Variants in MARCHF3 observed in about 807,000 individuals in gnomAD.
MARCHF3 encodes the protein E3 ubiquitin-protein ligase MARCHF3.
A neutral mutation model predicts 24.2 loss-of-function variants in MARCHF3; 13 were observed. The ratio of observed to expected loss-of-function variants is 0.54; its 90% CI spans 0.35 to 0.85. MARCHF3 has a LOEUF of 0.85. Among genes scored for constraint, MARCHF3 ranks in the 40% least tolerant of loss-of-function variants. MARCHF3 has a pLI of 0.01. For synonymous variants in MARCHF3, 144 were observed against 137.3 expected, an observed-to-expected ratio of 1.05 and a Z score of -0.34; for missense variants, 276 against 325.0, an observed-to-expected ratio of 0.85 and a Z score of 1.16.
chr5:126,906,242 A>G (rs547962128), intron 3 of MARCHF3, among the ~76,000 whole-genome samples: 495 of 151,846 alleles, frequency 3.3e-3, no homozygotes, highest in Non-Finnish European at 4.4e-3. Context: ...GGATTTTTGC[A>G]TCAATGTTCA....
chr5:126,967,367 C>T (rs1750854329), intron 1 of MARCHF3, among the ~76,000 whole-genome samples: 1 of 152,080 alleles, frequency 6.6e-6, no homozygotes, highest in African/African-American at 2.4e-5. Flanking sequence ...GTGTAATGAA[C>T]CACTACATAT....
At chr5:126,874,455 A>G (rs1455157156) in intron 4 of MARCHF3, among the ~76,000 whole-genome samples, 11 of 152,070 alleles carry the variant, frequency 7.2e-5, no homozygotes, top group East Asian at 3.9e-4. Context: ...GCGTGGTGGC[A>G]CATGCCTGTA....
chr5:126,931,422 C>G (rs1353694338), intron 1 of MARCHF3, among the ~76,000 whole-genome samples: 1 of 152,130 alleles, frequency 6.6e-6, no homozygotes, highest in Non-Finnish European at 1.5e-5. Flanking sequence ...CGAATACAAG[C>G]AATTTGGTTC....
At chr5:126,970,529 A>G (rs1750972784) in intron 1 of MARCHF3, among the ~76,000 whole-genome samples, 1 of 148,548 alleles carries the variant, frequency 6.7e-6, no homozygotes, top group Non-Finnish European at 1.5e-5. Context: ...GACATCAGCT[A>G]TGGGTTAGGA....
Position 126,909,522 on chromosome 5 carries a change from G to T in MARCHF3, c.393+5408C>A, listed in dbSNP as rs967291326. ...GCCACGCACAGGATATAATCTCCTG[G>T]TGCGCTGTTTTTTAAGCCCATCGGA... On this transcript the variant is annotated intron_variant, in intron 3 of 4. Transcript: ENST00000308660. Among the ~76,000 whole-genome samples, 10 of 152,362 alleles carry T rather than the reference G, an allele frequency of 6.6e-5. No individual in the cohort carries two copies. In the South Asian group the frequency reaches 2.1e-3, roughly 32 times the overall value.
intron 1 of MARCHF3, among the ~76,000 whole-genome samples, chr5:126,985,131 G>T (rs961245670): frequency 1.3e-5 from 2 of 152,134 alleles, no homozygotes; most frequent in African/African-American, 2.4e-5. Flanking sequence ...GATTTCCTTT[G>T]GGGGGACTAC....
At chr5:126,931,558 T>C (rs1740775524) in intron 1 of MARCHF3, among the ~76,000 whole-genome samples, 1 of 139,970 alleles carries the variant, frequency 7.1e-6, no homozygotes, top group African/African-American at 2.7e-5. Flanking sequence ...TATCCTCTAA[T>C]ACATACATGA....
rs960073398 is a variant in MARCHF3, at chr5:126,867,944, A to G, written c.*2689T>C. ...CATTTATCTCTACATGACATTCTCA[A>G]GAAAAATGATTAGGACAGAATCACA... is the stretch of plus-strand genomic sequence containing the variant. On this transcript the variant is annotated 3_prime_UTR_variant, in exon 5 of 5. Transcript: ENST00000308660. 1 of 152,248 alleles carries G rather than the reference A, an allele frequency of 6.6e-6. No individual in the cohort carries two copies. Among genetic ancestry groups the G allele is most frequent in the African/African-American group, 2.4e-5 (1 of 41,464 alleles). 9.4% of individuals were successfully genotyped at this position (152,248 alleles called of 1,614,324 possible). A position where few individuals can be genotyped will look rare whatever the true frequency, so the allele number is the denominator to read the frequency against.
chr5:126,894,486 G>A (rs1382824438), intron 3 of MARCHF3, among the ~76,000 whole-genome samples: 7 of 151,210 alleles, frequency 4.6e-5, no homozygotes, highest in African/African-American at 1.7e-4. Context: ...AGGCCTGGTG[G>A]TGACAAAATC....
intron 3 of MARCHF3, among the ~76,000 whole-genome samples, chr5:126,909,148 G>A (rs1222519183): frequency 1.3e-5 from 2 of 152,198 alleles, no homozygotes; most frequent in African/African-American, 4.8e-5. Flanking sequence ...CAGGGGTCAG[G>A]GACCCACTTG....
At chr5:126,899,324 A>T (rs1375906404) in intron 3 of MARCHF3, 1 of 984,450 alleles carries the variant, frequency 1.0e-6, no homozygotes, top group Non-Finnish European at 1.2e-6. Context: ...TGAAGAGAAA[A>T]ATCAGTGTTT....
chr5:126,947,662 C>T (rs963056031), intron 1 of MARCHF3, among the ~76,000 whole-genome samples: 1 of 152,150 alleles, frequency 6.6e-6, no homozygotes, highest in Non-Finnish European at 1.5e-5. Flanking sequence ...AGTCTGTTTA[C>T]CTTCCTCTCA....
chr5:126,925,397 CT>C (rs1002134913), intron 1 of MARCHF3, among the ~76,000 whole-genome samples: 8 of 149,676 alleles, frequency 5.3e-5, no homozygotes, highest in East Asian at 1.9e-4. Flanking sequence ...TCAGACAGAT[CT>C]TTTTTTTTTA....
chr5:126,991,246 C>T (rs1378906947), intron 1 of MARCHF3, among the ~76,000 whole-genome samples: 1 of 152,138 alleles, frequency 6.6e-6, no homozygotes, highest in Non-Finnish European at 1.5e-5. Context: ...ATGTCCTTTG[C>T]AGGGACATGG....
At chr5:127,002,592 T>C (rs1014808975) in intron 1 of MARCHF3, among the ~76,000 whole-genome samples, 4 of 152,210 alleles carry the variant, frequency 2.6e-5, no homozygotes, top group Admixed American at 1.3e-4. Flanking sequence ...TTTTCTGCAT[T>C]GATTTAAAAA....
intron 1 of MARCHF3, among the ~76,000 whole-genome samples, chr5:126,933,260 C>G (rs557694686): frequency 6.6e-6 from 1 of 152,058 alleles, no homozygotes; most frequent in Non-Finnish European, 1.5e-5. Context: ...TGTTCAGTAG[C>G]GGAGAAAATA....
intron 1 of MARCHF3, among the ~76,000 whole-genome samples, chr5:127,026,180 T>A (rs1752991184): frequency 6.6e-6 from 1 of 152,212 alleles, no homozygotes; most frequent in East Asian, 1.9e-4. Flanking sequence ...AGCAGCATTC[T>A]ACTATAGTTT....
chr5:126,922,497 C>T (rs1580646514), intron 1 of MARCHF3, among the ~76,000 whole-genome samples: 1 of 149,866 alleles, frequency 6.7e-6, no homozygotes, highest in East Asian at 2.0e-4. Flanking sequence ...GCCTGGGCTA[C>T]ATCTCATTTC....
intron 1 of MARCHF3, among the ~76,000 whole-genome samples, chr5:126,963,556 T>C (rs973074743): frequency 1.3e-5 from 2 of 152,160 alleles, no homozygotes; most frequent in Admixed American, 1.3e-4. Flanking sequence ...GTAAGAGATA[T>C]TTGCTACAGA....
Sources: allele counts gnomAD v4.1 joint callset (sites outside exome capture counted in the v4.1 genomes callset), GRCh38; gene constraint gnomAD v4.1.1; transcripts MANE v1.5; gene names NCBI Gene and HGNC (gene_info 2026-07-23, HGNC 2026-07-21).